CSMD2: variants seen among roughly 807,000 people sequenced by gnomAD.
CSMD2 encodes the protein CUB and sushi domain-containing protein 2.
Under a neutral mutation model 398.5 loss-of-function variants are expected in CSMD2, and 130 were observed. That is an observed-to-expected ratio of 0.33 (90% CI 0.28 to 0.38). The LOEUF is 0.38. Among genes scored for constraint, CSMD2 ranks in the 10% least tolerant of loss-of-function variants. The pLI is 1.00. For synonymous variants in CSMD2, 1,828 were observed against 1,908.5 expected (o/e 0.96, Z 1.10); for missense variants, 3,829 against 4,764.9 (o/e 0.80, Z 5.78).
intron 53 of CSMD2, among the ~76,000 whole-genome samples, chr1:33,560,824 T>C (rs972559562): frequency 2.6e-5 from 4 of 152,260 alleles, no homozygotes; most frequent in East Asian, 1.9e-4. Context: ...TTGGTGTATG[T>C]ACCAGTGCCT....
chr1:33,546,747 AT>A (rs1361708901), intron 56 of CSMD2, among the ~76,000 whole-genome samples: 2 of 151,152 alleles, frequency 1.3e-5, no homozygotes, highest in Admixed American at 1.3e-4. Context: ...TTTTCAAAAA[AT>A]TTTTTCCTGC....
At chr1:33,715,621 C>A (rs1363558087) in intron 20 of CSMD2, among the ~76,000 whole-genome samples, 2 of 152,168 alleles carry the variant, frequency 1.3e-5, no homozygotes, top group African/African-American at 4.8e-5. Context: ...CACCCCAGTT[C>A]CTAGAAGCTG....
chr1:33,561,652 G>A (rs186533993), intron 53 of CSMD2, among the ~76,000 whole-genome samples: 1 of 152,302 alleles, frequency 6.6e-6, no homozygotes, highest in Admixed American at 6.5e-5. Flanking sequence ...CTGGTGCTGA[G>A]ATAGAGCCCA....
rs1570464638 is a variant in CSMD2 at position 33,907,467 on chromosome 1, C to A, written c.920+10627G>T. ...TAATGTGAGTGATTTCAGGAGGAGG[C>A]TGGAGGGTTGAAGAGTGGGAGTGAA... On this transcript the variant is annotated intron_variant, in intron 5 of 70. Coordinates refer to ENST00000373381, the MANE Select transcript of CSMD2 (RefSeq NM_001281956.2). Among the ~76,000 whole-genome samples the A allele has an allele frequency of 2.6e-5, 4 of 152,066 alleles. No homozygotes were observed. In the South Asian group the frequency reaches 8.4e-4, roughly 32 times the overall value.
rs532612359 is a variant in CSMD2 at position 33,657,988 on chromosome 1, C to T, written c.4405G>A (p.Glu1469Lys). ...GSAEISCVKI[E>K]NRFFWQPSPP... ...CTGGGCTGCCAGAAGAACCTGTTCT[C>T]GATCTTCACACAGCTGATCTCTGCA... The change falls in exon 27 of 71, where the codon GAG (glutamate) becomes AAG (lysine). Residue 1469 changes from glutamate (E) to lysine (K), a missense_variant. This residue lies in a region of CSMD2 where 2,001 missense variants were observed against 2,567.1 expected (regional missense o/e 0.78). Coordinates refer to ENST00000373381, the MANE Select transcript of CSMD2 (RefSeq NM_001281956.2). 1.3e-4 allele frequency: 217 copies of T among 1,613,904 alleles called. No homozygotes were observed. The highest frequency in any genetic ancestry group is 5.7e-4 in the Admixed American group (34 of 60,014).
intron 25 of CSMD2, among the ~76,000 whole-genome samples, chr1:33,691,870 T>C (rs1645253060): frequency 6.6e-6 from 1 of 151,976 alleles, no homozygotes; most frequent in African/African-American, 2.4e-5. Flanking sequence ...CCCCCCCAAT[T>C]CCCTTGTTCT....
At chr1:33,521,575 G>C (rs374814024) in intron 67 of CSMD2, 25 bp from the exon 68 acceptor site, 46 of 1,454,430 alleles carry the variant, frequency 3.2e-5, no homozygotes, top group Non-Finnish European at 3.9e-5. Flanking sequence ...AGCACAGAGA[G>C]CAGGTGGGAG....
intron 38 of CSMD2, 63 bp from the exon 39 acceptor site, chr1:33,617,038 A>AGG: frequency 7.5e-7 from 1 of 1,334,604 alleles, no homozygotes; most frequent in Middle Eastern, 1.8e-4. Flanking sequence ...ATGTACAACC[A>AGG]GGGGCTGTAC....
chr1:33,644,328 G>A (rs1643293725), intron 29 of CSMD2, among the ~76,000 whole-genome samples: 1 of 152,188 alleles, frequency 6.6e-6, no homozygotes, highest in African/African-American at 2.4e-5. Context: ...GACTGGAGAG[G>A]AAGCTCAGGG....
chr1:33,811,370 G>T (rs986616253), intron 9 of CSMD2, among the ~76,000 whole-genome samples: 1 of 152,118 alleles, frequency 6.6e-6, no homozygotes, highest in African/African-American at 2.4e-5. Flanking sequence ...GGTTCTGCCT[G>T]CCCCTCAGTT....
At chr1:33,964,939 C>A (rs1645505698) in intron 3 of CSMD2, among the ~76,000 whole-genome samples, 1 of 152,222 alleles carries the variant, frequency 6.6e-6, no homozygotes, top group South Asian at 2.1e-4. Flanking sequence ...TATAGAGGAT[C>A]AGATGAGAAC....
chr1:33,661,451 AC>A (rs1644129779), intron 26 of CSMD2, among the ~76,000 whole-genome samples: 1 of 152,138 alleles, frequency 6.6e-6, no homozygotes, highest in Non-Finnish European at 1.5e-5. Context: ...ATTGTGGCCT[AC>A]CAGACATCTT....
chr1:33,695,111 A>G (rs1464399077), intron 24 of CSMD2, among the ~76,000 whole-genome samples: 2 of 152,126 alleles, frequency 1.3e-5, no homozygotes, highest in Non-Finnish European at 2.9e-5. Flanking sequence ...TTGGGTGGCA[A>G]GGGTAGGATG....
At chr1:33,545,997 G>C (rs894253773) in intron 57 of CSMD2, 40 bp downstream of exon 57, 1 of 1,573,310 alleles carries the variant, frequency 6.4e-7, no homozygotes, top group African/African-American at 1.3e-5. Context: ...GAGCTCTGGG[G>C]CTGGGCAAAG....
chr1:33,536,503 G>A (rs566474731), intron 62 of CSMD2, among the ~76,000 whole-genome samples: 11 of 152,338 alleles, frequency 7.2e-5, no homozygotes, highest in African/African-American at 2.6e-4. Flanking sequence ...GATTACAGGC[G>A]TGAGCCACCG....
intron 6 of CSMD2, among the ~76,000 whole-genome samples, chr1:33,833,871 G>A (rs555433109): frequency 0.014 from 2,136 of 151,468 alleles, 44 homozygotes; most frequent in African/African-American, 0.049. Context: ...CAAACAGAGA[G>A]CCAAATCATG....
chr1:33,932,582 G>C (rs911725670), intron 4 of CSMD2, among the ~76,000 whole-genome samples: 6 of 152,114 alleles, frequency 3.9e-5, no homozygotes, highest in Non-Finnish European at 5.9e-5. Context: ...CCCTCGGAAG[G>C]GCCAGCCCTT....
At chr1:33,522,477 C>T (rs1372124663) in intron 67 of CSMD2, among the ~76,000 whole-genome samples, 1 of 152,174 alleles carries the variant, frequency 6.6e-6, no homozygotes, top group African/African-American at 2.4e-5. Flanking sequence ...TGAAGGGGAC[C>T]TACAGATACC....
At chr1:33,591,615 G>A (rs1187025336) in intron 44 of CSMD2, among the ~76,000 whole-genome samples, 1 of 152,002 alleles carries the variant, frequency 6.6e-6, no homozygotes, top group Non-Finnish European at 1.5e-5. Flanking sequence ...TATTCTACAT[G>A]AGTGATTCTT....
Sources: gnomAD v4.1 joint callset for allele counts (sites outside exome capture counted in the v4.1 genomes callset) on GRCh38, gnomAD v4.1.1 for gene constraint, gnomAD v4.1.1 regional missense constraint, MANE v1.5 for transcripts, NCBI Gene and HGNC (gene_info 2026-07-23, HGNC 2026-07-21) for gene names.